STARD13: variants seen among roughly 807,000 people sequenced by gnomAD.
The protein encoded by STARD13 is stAR-related lipid transfer protein 13.
Under a neutral mutation model 106.4 loss-of-function variants are expected in STARD13, and 62 were observed. The ratio of observed to expected loss-of-function variants is 0.58; its 90% CI spans 0.48 to 0.72. STARD13 has a LOEUF of 0.72. STARD13 is among the 30% of genes least tolerant of loss of function. The pLI is 0.00. For missense variants in STARD13, 1,387 were observed against 1,424.0 expected (o/e 0.97, Z 0.42); for synonymous variants, 565 against 553.0 (o/e 1.02, Z -0.31).
intron 4 of STARD13, chr13:33,139,010 G>A: frequency 3.0e-6 from 1 of 338,508 alleles, no homozygotes; most frequent in South Asian, 2.4e-5. Context: ...CCTATTTGTG[G>A]ACTTTTCACA....
At chr13:33,387,411 C>T in the STARD13 span, among the ~76,000 whole-genome samples, 1 of 152,144 alleles carries the variant, frequency 6.6e-6, no homozygotes, top group Non-Finnish European at 1.5e-5. Flanking sequence ...AGTCTGTGCC[C>T]ATGTTTGCTG....
At chr13:33,528,599 T>G in the STARD13 span, among the ~76,000 whole-genome samples, 2 of 151,922 alleles carry the variant, frequency 1.3e-5, no homozygotes, top group Non-Finnish European at 2.9e-5. Context: ...TGTATTGAAT[T>G]TATCTTTAAA....
the STARD13 span, among the ~76,000 whole-genome samples, chr13:33,469,348 T>G: frequency 6.6e-6 from 1 of 152,136 alleles, no homozygotes; most frequent in East Asian, 1.9e-4. Context: ...ATAAATGAAA[T>G]CCAGTAATTT....
chr13:33,661,903 C>CAA, the STARD13 span, among the ~76,000 whole-genome samples: 2,681 of 122,022 alleles, frequency 0.022, 75 homozygotes, highest in African/African-American at 0.072. Context: ...GATCTCCTGG[C>CAA]AAAAAAAAAA....
chr13:33,402,785 G>T, the STARD13 span, among the ~76,000 whole-genome samples: 2 of 152,254 alleles, frequency 1.3e-5, no homozygotes, highest in African/African-American at 4.8e-5. Context: ...TCGGCTGGGG[G>T]TGGCCGGAGG....
chr13:33,529,522 C>T, the STARD13 span, among the ~76,000 whole-genome samples: 7 of 152,118 alleles, frequency 4.6e-5, no homozygotes, highest in Admixed American at 2.0e-4. Context: ...TTCATTCATT[C>T]ATATGCCAAG....
At chr13:33,149,442 A>G (rs907576633) in intron 3 of STARD13, among the ~76,000 whole-genome samples, 1 of 152,222 alleles carries the variant, frequency 6.6e-6, no homozygotes, top group Non-Finnish European at 1.5e-5. Flanking sequence ...TTGGACTTTG[A>G]AATTACTGAT....
At chr13:33,666,542 G>T in the STARD13 span, among the ~76,000 whole-genome samples, 3 of 151,870 alleles carry the variant, frequency 2.0e-5, no homozygotes, top group African/African-American at 4.8e-5. Context: ...TGATCTGCCC[G>T]CCTCAGCCTC....
At chr13:33,599,607 T>C in the STARD13 span, among the ~76,000 whole-genome samples, 1 of 152,110 alleles carries the variant, frequency 6.6e-6, no homozygotes, top group Non-Finnish European at 1.5e-5. Flanking sequence ...CAGCAAATAT[T>C]TTCCACAAGA....
intron 1 of STARD13, among the ~76,000 whole-genome samples, chr13:33,294,810 T>C (rs1483774908): frequency 1.3e-5 from 2 of 152,210 alleles, no homozygotes; most frequent in African/African-American, 4.8e-5. Flanking sequence ...ACAGTGAATA[T>C]ATTTTCTTAA....
At chr13:33,311,887 G>A (rs201988655) in intron 1 of STARD13, among the ~76,000 whole-genome samples, 2 of 152,202 alleles carry the variant, frequency 1.3e-5, no homozygotes, top group Non-Finnish European at 2.9e-5. Context: ...CTTGCATGTG[G>A]ATTATCCAGT....
intron 1 of STARD13, among the ~76,000 whole-genome samples, chr13:33,209,716 C>A (rs1887614818): frequency 6.6e-6 from 1 of 152,100 alleles, no homozygotes; most frequent in Non-Finnish European, 1.5e-5. Flanking sequence ...CTCACGTGCA[C>A]TCCCAACACT....
intron 4 of STARD13, among the ~76,000 whole-genome samples, chr13:33,136,310 C>T (rs1293307467): frequency 6.6e-6 from 1 of 152,158 alleles, no homozygotes; most frequent in Non-Finnish European, 1.5e-5. Flanking sequence ...CGCACACTTT[C>T]AATAAAAATC....
intron 1 of STARD13, among the ~76,000 whole-genome samples, chr13:33,304,739 G>A (rs1892844040): frequency 6.6e-6 from 1 of 151,816 alleles, no homozygotes; most frequent in Non-Finnish European, 1.5e-5. Flanking sequence ...GCCCACAAGT[G>A]AACCCCCTAA....
intron 1 of STARD13, among the ~76,000 whole-genome samples, chr13:33,203,617 C>T (rs575835958): frequency 3.3e-5 from 5 of 152,080 alleles, no homozygotes; most frequent in Admixed American, 3.3e-4. Flanking sequence ...AAAGTTCAAC[C>T]TGTTTGAGGA....
At chr13:33,553,971 A>G in the STARD13 span, among the ~76,000 whole-genome samples, 1 of 152,142 alleles carries the variant, frequency 6.6e-6, no homozygotes, top group Non-Finnish European at 1.5e-5. Context: ...AATTTTTTAA[A>G]AGATTTCTAT....
At chr13:33,193,333 C>A in intron 1 of STARD13, among the ~76,000 whole-genome samples, 1 of 152,222 alleles carries the variant, frequency 6.6e-6, no homozygotes, top group East Asian at 1.9e-4. Flanking sequence ...AAGATCTTGA[C>A]GCCTTGCAGA....
chr13:33,385,753 G>T, the STARD13 span, among the ~76,000 whole-genome samples: 1 of 151,142 alleles, frequency 6.6e-6, no homozygotes, highest in Non-Finnish European at 1.5e-5. Flanking sequence ...CCAGCTACTT[G>T]GGAGGCTGAG....
the STARD13 span, among the ~76,000 whole-genome samples, chr13:33,434,688 C>T: frequency 0.044 from 6,732 of 152,118 alleles, 478 homozygotes; most frequent in African/African-American, 0.15. Context: ...CAGATAAACA[C>T]GAGATCTTCC....
Sources: allele counts gnomAD v4.1 joint callset (sites outside exome capture counted in the v4.1 genomes callset), GRCh38; gene constraint gnomAD v4.1.1; transcripts MANE v1.5; gene names NCBI Gene and HGNC (gene_info 2026-07-23, HGNC 2026-07-21).